Variants in CASC3 observed in about 807,000 individuals in gnomAD.
CASC3 encodes CASC3 exon junction complex subunit, also known as protein CASC3.
A neutral mutation model predicts 80.5 loss-of-function variants in CASC3; 30 were observed. The ratio of observed to expected loss-of-function variants is 0.37; its 90% CI spans 0.28 to 0.51. The LOEUF is 0.51. Ranked by LOEUF, CASC3 falls within the 20% of genes least tolerant of loss-of-function variation. The pLI, the probability that CASC3 is intolerant of heterozygous loss-of-function variation, is 0.94. For synonymous variants in CASC3, 312 were observed against 333.6 expected (o/e 0.94, Z 0.70); for missense variants, 824 against 922.2 (o/e 0.89, Z 1.38).
intron 5 of CASC3, 33 bp downstream of exon 5, chr17:40,162,186 A>T (rs1489615963): frequency 6.2e-7 from 1 of 1,600,546 alleles, no homozygotes; most frequent in African/African-American, 1.3e-5. Flanking sequence ...GCTGTCTAAC[A>T]TGTATTTTAC....
chr17:40,166,949 TTTTTC>T (rs1989464724), intron 8 of CASC3, 88 bp downstream of exon 8: 3 of 976,038 alleles, frequency 3.1e-6, no homozygotes, highest in Non-Finnish European at 4.5e-6. Context: ...GTCTTTTTTT[TTTTTC>T]TTTTCTTTCT....
intron 3 of CASC3, among the ~76,000 whole-genome samples, chr17:40,154,105 G>GTTT (rs548654217): frequency 1.1e-3 from 82 of 76,688 alleles, no homozygotes; most frequent in African/African-American, 2.9e-3. Context: ...GATGCTGAGC[G>GTTT]TTTTTTTTTT....
chr17:40,170,902 C>T lies in CASC3; in HGVS notation c.*497C>T, dbSNP rs1234220852. The T allele has an allele frequency of 1.0e-6, 1 of 985,368 alleles. No homozygotes were observed. Among genetic ancestry groups the T allele is most frequent in the Admixed American group, 6.2e-5 (1 of 16,236 alleles). The allele number at this position is 985,368 out of a possible 1,614,324, so 61.0% of individuals were successfully genotyped here. ...CTTTAAATGAAACAAGTCTAGTCTT[C>T]TGGTTTTCTAGCCCCTCTGGATTCC... On this transcript the variant is annotated 3_prime_UTR_variant, in exon 14 of 14. Coordinates refer to ENST00000264645, the MANE Select transcript of CASC3 (RefSeq NM_007359.5).
In CASC3 at chr17:40,169,403, G is replaced by A. The variant is rs763063869; in HGVS notation, c.2045G>A (p.Arg682Gln). The A allele has an allele frequency of 9.9e-6, 16 of 1,611,644 alleles. No homozygotes were observed. Among genetic ancestry groups the A allele is most frequent in the Middle Eastern group, 1.6e-4 (1 of 6,066 alleles). The change falls in exon 12 of 14, where the codon CGG becomes CAG. Residue 682 changes from arginine (R) to glutamine (Q), a missense_variant. Arg to Gln is a conservative substitution (Grantham distance 43). Coordinates refer to ENST00000264645, the MANE Select transcript of CASC3 (RefSeq NM_007359.5). ...GTGCAGCCAAAGCCCTCCCCACCCC[G>A]GAGGACTCCCCAGCCAGTCACCATC... Reference protein sequence around the residue: ...QQVQPKPSPPRRTPQPVTIKP... With the variant: ...QQVQPKPSPPQRTPQPVTIKP...
intron 3 of CASC3, among the ~76,000 whole-genome samples, chr17:40,143,697 G>T (rs1988780447): frequency 1.3e-5 from 2 of 151,502 alleles, no homozygotes; most frequent in Admixed American, 1.3e-4. Flanking sequence ...GGGCGTGCTT[G>T]CACGCCCCTG....
intron 3 of CASC3, among the ~76,000 whole-genome samples, chr17:40,155,015 G>A (rs1015987945): frequency 5.9e-5 from 9 of 151,600 alleles, no homozygotes; most frequent in African/African-American, 1.5e-4. Flanking sequence ...TCAGCCTCCC[G>A]AGTAGCTGGG....
intron 1 of CASC3, 56 bp from the exon 2 acceptor site, chr17:40,141,150 TG>T: frequency 6.6e-7 from 1 of 1,521,092 alleles, no homozygotes; most frequent in Non-Finnish European, 9.1e-7. Flanking sequence ...ATTTCTTTAT[TG>T]GGCTCCCCAC....
At chr17:40,159,592 C>CTGGA (rs1198931100) in intron 3 of CASC3, among the ~76,000 whole-genome samples, 1 of 145,024 alleles carries the variant, frequency 6.9e-6, no homozygotes, top group Admixed American at 7.2e-5. Context: ...GTTGCTAAGA[C>CTGGA]TGGAGCGCAG....
chr17:40,165,593 A>G (rs1243230915), intron 7 of CASC3, among the ~76,000 whole-genome samples: 1 of 152,134 alleles, frequency 6.6e-6, no homozygotes, highest in East Asian at 1.9e-4. Context: ...TGAAGGCAGA[A>G]ATTTATTCAG....
chr17:40,169,664 TA>T lies in CASC3; in HGVS notation c.*41+4del. 6.7e-7 allele frequency: 1 copy of T among 1,485,674 alleles called. No homozygotes were observed. The allele number at this position is 1,485,674 out of a possible 1,614,324, so 92.0% of individuals were successfully genotyped here. ...TTTAAATCTTAACATCATATAAAAG[TA>T]AGTGCACAACTTACTGTGAATATTG... is the stretch of plus-strand genomic sequence containing the variant. On this transcript the variant is annotated splice_donor_region_variant and intron_variant, in intron 13 of 13. Transcript: ENST00000264645.
rs1567685126 is a variant in CASC3, at chr17:40,167,922, A to G, written c.1724A>G (p.Gln575Arg). ...CTGCCTCCACAGGGCATGCTTGTGCAGCCAGGAATGAACCTTCCCCACCCA... is the reference window on the plus strand; with the variant it reads ...CTGCCTCCACAGGGCATGCTTGTGCGGCCAGGAATGAACCTTCCCCACCCA... ...APLPPQGMLV[Q>R]PGMNLPHPGL... The change falls in exon 10 of 14, where the codon CAG becomes CGG. Residue 575 changes from glutamine (Q) to arginine (R), a missense_variant. Gln to Arg is a conservative substitution (Grantham distance 43). Coordinates refer to ENST00000264645, the MANE Select transcript of CASC3 (RefSeq NM_007359.5). 1.9e-6 allele frequency: 3 copies of G among 1,614,030 alleles called. No homozygotes were observed. Among genetic ancestry groups the G allele is most frequent in the Non-Finnish European group, 2.5e-6 (3 of 1,180,024 alleles).
chr17:40,148,311 G>A (rs1014819969), intron 3 of CASC3, among the ~76,000 whole-genome samples: 4 of 151,764 alleles, frequency 2.6e-5, no homozygotes, highest in Non-Finnish European at 5.9e-5. Flanking sequence ...TAGGGACAGT[G>A]TAGGGCCCTG....
chr17:40,166,846 C>T lies in CASC3; in HGVS notation c.1521C>T (p.Asn507=), dbSNP rs745709047. The T allele has an allele frequency of 1.9e-6, 3 of 1,607,042 alleles. No individual in the cohort carries two copies. Among genetic ancestry groups the T allele is most frequent in the South Asian group, 2.2e-5 (2 of 89,470 alleles). Residue 507 remains asparagine (N), a synonymous_variant, in exon 8 of 14, where the codon AAC becomes AAT. Coordinates refer to ENST00000264645, the MANE Select transcript of CASC3 (RefSeq NM_007359.5). ...GAGCAGGACCTCCACCTCAGTTTAA[C>T]CGGATGGAAGAAATGGTACAGAAGG... ...HMGAGPPPQF[N]RMEEMGVQGG... is the part of the protein sequence containing the mutation.
Position 40,167,487 on chromosome 17 carries a change from C to G in CASC3, c.1537-11C>G. The G allele has an allele frequency of 1.9e-6, 3 of 1,607,270 alleles. No homozygotes were observed. The highest frequency in any genetic ancestry group is 2.6e-6 in the Non-Finnish European group (3 of 1,174,106). On this transcript the variant is annotated splice_polypyrimidine_tract_variant and intron_variant, in intron 8 of 13. Coordinates refer to ENST00000264645, the MANE Select transcript of CASC3 (RefSeq NM_007359.5). ...GAATTCTTATTGTTTAGGCCTCTTT[C>G]TTTGTCTCAGGGTGTCCAGGGTGGT...
chr17:40,149,754 C>T (rs959813840), intron 3 of CASC3, among the ~76,000 whole-genome samples: 1 of 151,766 alleles, frequency 6.6e-6, no homozygotes, highest in Non-Finnish European at 1.5e-5. Context: ...GCCTGTAATC[C>T]CGGCACTTTG....
In CASC3 at chr17:40,171,278, G is replaced by A. The variant is rs1456519198; in HGVS notation, c.*873G>A. The A allele has an allele frequency of 1.0e-6, 1 of 986,040 alleles. No homozygotes were observed. Among genetic ancestry groups the A allele is most frequent in the Non-Finnish European group, 1.2e-6 (1 of 829,972 alleles). The allele number at this position is 986,040 out of a possible 1,614,324, so 61.1% of individuals were successfully genotyped here. ...GATGCTTTTGTGAGAAAGGGATGGT[G>A]GAGTGAGAGCCTTTGCCTTTAGGGG... On this transcript the variant is annotated 3_prime_UTR_variant, in exon 14 of 14. Transcript: ENST00000264645.
At chr17:40,160,497 G>GAA (rs948310970) in intron 3 of CASC3, among the ~76,000 whole-genome samples, 2 of 127,316 alleles carry the variant, frequency 1.6e-5, no homozygotes, top group East Asian at 2.2e-4. Flanking sequence ...TCTCAAAACA[G>GAA]AAAAAAAAAA....
intron 3 of CASC3, among the ~76,000 whole-genome samples, chr17:40,149,065 G>A (rs1250223752): frequency 2.6e-5 from 4 of 151,814 alleles, no homozygotes; most frequent in Admixed American, 2.6e-4. Flanking sequence ...TAGTAGAGAC[G>A]CGGTTTTACC....
chr17:40,161,018 C>T (rs992258753), intron 3 of CASC3, among the ~76,000 whole-genome samples: 4 of 151,690 alleles, frequency 2.6e-5, no homozygotes, highest in African/African-American at 4.8e-5. Context: ...CTTGCTCTGT[C>T]GCCCAGGCTG....
Sources: allele counts gnomAD v4.1 joint callset (sites outside exome capture counted in the v4.1 genomes callset), GRCh38; gene constraint gnomAD v4.1.1; transcripts MANE v1.5; gene names NCBI Gene and HGNC (gene_info 2026-07-23, HGNC 2026-07-21).